The following SLC35F3 variants were observed in gnomAD, a reference collection of about 807,000 sequenced individuals.
The protein encoded by SLC35F3 is putative thiamine transporter SLC35F3.
In SLC35F3, 25 loss-of-function variants were observed where a neutral mutation model predicts 49.9. That is an observed-to-expected ratio of 0.50 (90% confidence interval 0.37 to 0.70). SLC35F3 has a LOEUF of 0.70. Ranked by LOEUF, SLC35F3 falls within the 30% of genes least tolerant of loss-of-function variation. SLC35F3 has a pLI of 0.00. For missense variants in SLC35F3, 525 were observed against 639.8 expected (o/e 0.82, Z 1.94); for synonymous variants, 275 against 265.4 (o/e 1.04, Z -0.35).
At chr1:234,160,100 T>C (rs1316219999) in intron 2 of SLC35F3, among the ~76,000 whole-genome samples, 1 of 152,216 alleles carries the variant, frequency 6.6e-6, no homozygotes, top group East Asian at 1.9e-4. Context: ...CCTATATTTC[T>C]CCATCAAGGG....
Position 234,038,204 on chromosome 1 carries a change from A to T in SLC35F3, c.283+132446A>T, listed in dbSNP as rs569299893. 2.0e-4 allele frequency among the ~76,000 whole-genome samples: 29 copies of T among 148,340 alleles called. 1 individual carries two copies. In the South Asian group the frequency reaches 2.4e-3, roughly 12 times the overall value. ...GTTCAATTCCCACCTATGAGTGAGAACATGTGGTGTTTGGTTTTTTGTCCT... is the reference window on the plus strand; with the variant it reads ...GTTCAATTCCCACCTATGAGTGAGATCATGTGGTGTTTGGTTTTTTGTCCT... On this transcript the variant is annotated intron_variant, in intron 2 of 7. Transcript: ENST00000366618.
intron 3 of SLC35F3, among the ~76,000 whole-genome samples, chr1:234,286,203 A>C (rs1054232419): frequency 1.3e-5 from 2 of 152,230 alleles, no homozygotes; most frequent in Non-Finnish European, 2.9e-5. Context: ...CTTTCTCAAG[A>C]TCTCACAGCT....
At chr1:234,049,817 G>A (rs1023818258) in intron 2 of SLC35F3, among the ~76,000 whole-genome samples, 1 of 152,070 alleles carries the variant, frequency 6.6e-6, no homozygotes, top group Non-Finnish European at 1.5e-5. Context: ...GCCCCGGTGT[G>A]TGATGTTCCC....
At chr1:234,095,586 G>GAT (rs900428728) in intron 2 of SLC35F3, among the ~76,000 whole-genome samples, 9 of 152,296 alleles carry the variant, frequency 5.9e-5, no homozygotes, top group Admixed American at 4.6e-4. Flanking sequence ...TAGAGTTCCT[G>GAT]ATAACTTTCT....
At chr1:234,290,960 T>G (rs1388674337) in intron 3 of SLC35F3, among the ~76,000 whole-genome samples, 2 of 152,148 alleles carry the variant, frequency 1.3e-5, no homozygotes, top group African/African-American at 4.8e-5. Context: ...AAGATTGGAT[T>G]GGGGGTAAGG....
intron 2 of SLC35F3, among the ~76,000 whole-genome samples, chr1:234,140,422 T>C (rs1485588370): frequency 6.6e-6 from 1 of 152,218 alleles, no homozygotes; most frequent in African/African-American, 2.4e-5. Flanking sequence ...TCTCTCTCTG[T>C]GCCTAGTGAA....
intron 2 of SLC35F3, among the ~76,000 whole-genome samples, chr1:234,035,836 A>G (rs1664133047): frequency 6.6e-6 from 1 of 152,212 alleles, no homozygotes; most frequent in Admixed American, 6.5e-5. Context: ...CTTTGAACAC[A>G]TAACAGATCT....
chr1:233,977,104 G>T (rs1335699802), intron 2 of SLC35F3, among the ~76,000 whole-genome samples: 1 of 152,086 alleles, frequency 6.6e-6, no homozygotes, highest in African/African-American at 2.4e-5. Flanking sequence ...TGCCCTTCAG[G>T]TTAGCTCAGC....
chr1:234,303,785 T>C lies in SLC35F3; in HGVS notation c.609-5316T>C, dbSNP rs538881980. Among the ~76,000 whole-genome samples the C allele has an allele frequency of 3.6e-4, 55 of 152,344 alleles. No individual in the cohort carries two copies. The East Asian group carries it at 4.2e-3, about 12-fold the overall frequency. Reference sequence around the variant, plus strand: ...AGATTTTAGGTTTTCTCTTTATACCTTTATTTTACAAATAGGTGCCTTGTT... The same window carrying C: ...AGATTTTAGGTTTTCTCTTTATACCCTTATTTTACAAATAGGTGCCTTGTT... On this transcript the variant is annotated intron_variant, in intron 3 of 7. Coordinates refer to ENST00000366618, the MANE Select transcript of SLC35F3 (RefSeq NM_173508.4).
intron 2 of SLC35F3, among the ~76,000 whole-genome samples, chr1:234,028,610 G>A (rs1043138761): frequency 6.6e-5 from 10 of 152,166 alleles, no homozygotes; most frequent in African/African-American, 2.2e-4. Flanking sequence ...TTTGTTTTAA[G>A]AAAAGAAAGT....
At chr1:234,143,288 C>CTTTTCTTTTTTTTTTTTTTTTTT (rs1478216426) in intron 2 of SLC35F3, among the ~76,000 whole-genome samples, 1 of 123,564 alleles carries the variant, frequency 8.1e-6, no homozygotes. Flanking sequence ...CTTTTCTTTT[C>CTTTTCTTTTTTTTTTTTTTTTTT]TTTTTTTTTT....
At chr1:234,054,772 G>A (rs1664430548) in intron 2 of SLC35F3, among the ~76,000 whole-genome samples, 1 of 152,106 alleles carries the variant, frequency 6.6e-6, no homozygotes, top group Middle Eastern at 3.2e-3. Context: ...CCATCTTTGT[G>A]GTTTTATGTA....
rs79381063 is a variant in SLC35F3 at position 234,156,458 on chromosome 1, C to T, written c.284-74959C>T. ...CACAAAAACGTTCAGGATTAAAAGACAGATAATGTTGGTGAGGATGAGGAG... is the reference window on the plus strand; with the variant it reads ...CACAAAAACGTTCAGGATTAAAAGATAGATAATGTTGGTGAGGATGAGGAG... On this transcript the variant is annotated intron_variant, in intron 2 of 7. Coordinates refer to ENST00000366618, the MANE Select transcript of SLC35F3 (RefSeq NM_173508.4). 3.8e-3 allele frequency among the ~76,000 whole-genome samples: 583 copies of T among 152,212 alleles called. 15 individuals carry two copies. The East Asian group carries it at 0.049, about 13-fold the overall frequency.
chr1:233,943,269 T>C (rs1175631012), intron 2 of SLC35F3, among the ~76,000 whole-genome samples: 1 of 152,244 alleles, frequency 6.6e-6, no homozygotes, highest in Admixed American at 6.5e-5. Context: ...GTCCATCAAT[T>C]ATCAGTAATC....
intron 2 of SLC35F3, among the ~76,000 whole-genome samples, chr1:233,945,464 G>A (rs1469256413): frequency 6.6e-6 from 1 of 152,200 alleles, no homozygotes; most frequent in African/African-American, 2.4e-5. Flanking sequence ...GGTTATTGAA[G>A]GAAAGATGTT....
rs1572068081 is a variant in SLC35F3 at position 234,143,481 on chromosome 1, G to A, written c.284-87936G>A. 2.6e-5 allele frequency among the ~76,000 whole-genome samples: 4 copies of A among 151,806 alleles called. No homozygotes were observed. The South Asian group carries it at 8.3e-4, about 32-fold the overall frequency. ...TTTTTTGTATTTTTAGTAGAGACGG[G>A]GATTCACCAAATTGGCCAGGCTGGT... On this transcript the variant is annotated intron_variant, in intron 2 of 7. Coordinates refer to ENST00000366618, the MANE Select transcript of SLC35F3 (RefSeq NM_173508.4).
chr1:234,181,616 A>G (rs1666558773), intron 2 of SLC35F3, among the ~76,000 whole-genome samples: 1 of 152,110 alleles, frequency 6.6e-6, no homozygotes, highest in Non-Finnish European at 1.5e-5. Flanking sequence ...CATTTGTTGA[A>G]GAGAGCAGTT....
intron 2 of SLC35F3, among the ~76,000 whole-genome samples, chr1:233,921,469 A>G (rs1330649836): frequency 1.3e-5 from 2 of 152,094 alleles, no homozygotes; most frequent in Non-Finnish European, 2.9e-5. Context: ...ACAAATATCT[A>G]ATGACGTTTA....
intron 2 of SLC35F3, among the ~76,000 whole-genome samples, chr1:234,193,416 C>T (rs1382560976): frequency 6.6e-6 from 1 of 152,098 alleles, no homozygotes; most frequent in East Asian, 1.9e-4. Context: ...ACTGAATCTT[C>T]ATCTCTCACC....
Sources: gnomAD v4.1 joint callset for allele counts (sites outside exome capture counted in the v4.1 genomes callset) on GRCh38, gnomAD v4.1.1 for gene constraint, MANE v1.5 for transcripts, NCBI Gene and HGNC (gene_info 2026-07-23, HGNC 2026-07-21) for gene names.